ACCSL: variants seen among roughly 807,000 people sequenced by gnomAD.
The protein encoded by ACCSL is 1-aminocyclopropane-1-carboxylate synthase homolog (inactive) like.
Under a neutral mutation model 61.7 loss-of-function variants are expected in ACCSL, and 55 were observed. The observed-to-expected ratio is 0.89, with a 90% CI of 0.72 to 1.12. ACCSL has a LOEUF of 1.12. Among genes scored for constraint, ACCSL ranks in the 50% most tolerant of loss-of-function variants. ACCSL has a pLI of 0.00. For synonymous variants in ACCSL, 258 were observed against 264.3 expected, an observed-to-expected ratio of 0.98 and a Z score of 0.23; for missense variants, 632 against 698.0, an observed-to-expected ratio of 0.91 and a Z score of 1.07.
chr11:43,983,845 G>T, the ACCSL span, among the ~76,000 whole-genome samples: 1 of 152,162 alleles, frequency 6.6e-6, no homozygotes, highest in Admixed American at 6.6e-5. Context: ...GCCGGGCGCT[G>T]TGGCTCACAC....
chr11:44,029,322 G>A, the ACCSL span, among the ~76,000 whole-genome samples: 2 of 152,210 alleles, frequency 1.3e-5, no homozygotes, highest in Non-Finnish European at 2.9e-5. Context: ...AAGCCTCAGG[G>A]CCTTTGCCCT....
chr11:43,975,296 G>A, the ACCSL span, among the ~76,000 whole-genome samples: 62 of 152,252 alleles, frequency 4.1e-4, no homozygotes, highest in East Asian at 4.4e-3. Context: ...AAGCCTCTCC[G>A]GATGCAAACA....
At chr11:43,993,899 G>A in the ACCSL span, among the ~76,000 whole-genome samples, 1 of 152,174 alleles carries the variant, frequency 6.6e-6, no homozygotes, top group Non-Finnish European at 1.5e-5. Flanking sequence ...ACAGATTCTG[G>A]GACATGCAAG....
At position 44,058,323 on chromosome 11, in the gene ACCSL, T is replaced by C. The variant is rs568806875; in HGVS notation, c.1334T>C (p.Ile445Thr). The change falls in exon 12 of 14, where the codon ATT (isoleucine) becomes ACT (threonine). Residue 445 changes from isoleucine (I) to threonine (T), a missense_variant. Physicochemically the swap from Ile to Thr is moderately conservative, Grantham distance 89. Transcript: ENST00000378832. ...TTTTCCTCTACCCATCCAGAATGGATTGACAAAGTATACCTACCCACCAAT... is the reference window on the plus strand; with the variant it reads ...TTTTCCTCTACCCATCCAGAATGGACTGACAAAGTATACCTACCCACCAAT... Reference protein sequence around the residue: ...LCQLLQNTEWIDKVYLPTNCY... With the variant: ...LCQLLQNTEWTDKVYLPTNCY... 9.3e-6 allele frequency: 15 copies of C among 1,614,026 alleles called. No homozygotes were observed. The highest frequency in any genetic ancestry group is 1.3e-5 in the Non-Finnish European group (15 of 1,180,034).
chr11:43,943,412 C>T, the ACCSL span: 1 of 1,434,046 alleles, frequency 7.0e-7, no homozygotes, highest in Non-Finnish European at 9.2e-7. This position sits in a 1 kb window ranked among gnomAD's most constrained non-coding sequence, Gnocchi z 4.8. Context: ...CTCGGACTCC[C>T]GCCCCGCTGC....
chr11:43,963,176 AG>A, the ACCSL span, among the ~76,000 whole-genome samples: 1 of 152,228 alleles, frequency 6.6e-6, no homozygotes, highest in Non-Finnish European at 1.5e-5. Flanking sequence ...CCCATGGAGA[AG>A]GGTTGAGTGT....
At chr11:43,944,107 T>A in the ACCSL span, 1 of 340,366 alleles carries the variant, frequency 2.9e-6, no homozygotes, top group South Asian at 2.3e-5. Flanking sequence ...GCGTCCCTGG[T>A]CTATTCCCCA....
the ACCSL span, among the ~76,000 whole-genome samples, chr11:43,956,790 G>A: frequency 6.6e-6 from 1 of 152,154 alleles, no homozygotes. Flanking sequence ...AATCAATTGA[G>A]GTTTATTGAG....
the ACCSL span, chr11:43,926,682 T>TA: frequency 3.2e-6 from 1 of 313,626 alleles, no homozygotes; most frequent in Non-Finnish European, 6.3e-6. Context: ...TGCAAGAAAT[T>TA]AAAAAGAAAG....
the ACCSL span, among the ~76,000 whole-genome samples, chr11:44,028,791 C>T: frequency 6.6e-6 from 1 of 152,210 alleles, no homozygotes; most frequent in African/African-American, 2.4e-5. Context: ...AATGACTTCT[C>T]CACATATGTC....
At chr11:44,029,197 A>T in the ACCSL span, among the ~76,000 whole-genome samples, 5 of 152,350 alleles carry the variant, frequency 3.3e-5, no homozygotes, top group South Asian at 1.0e-3. Flanking sequence ...TGGCCTCTCT[A>T]GGAGAAAGCC....
At chr11:43,937,913 T>C in the ACCSL span, among the ~76,000 whole-genome samples, 1 of 152,220 alleles carries the variant, frequency 6.6e-6, no homozygotes, top group Non-Finnish European at 1.5e-5. Context: ...GGACTAATGA[T>C]GGTGCTGCTA....
At chr11:43,985,732 G>A in the ACCSL span, among the ~76,000 whole-genome samples, 6 of 152,100 alleles carry the variant, frequency 3.9e-5, no homozygotes, top group African/African-American at 7.2e-5. Flanking sequence ...ATATCCAACC[G>A]CCTTCTTAAC....
the ACCSL span, among the ~76,000 whole-genome samples, chr11:43,928,318 G>A: frequency 3.9e-5 from 6 of 152,078 alleles, no homozygotes; most frequent in African/African-American, 9.7e-5. Context: ...AAAAGATGTC[G>A]GATTTTCTAG....
At chr11:44,037,950 C>T in the ACCSL span, among the ~76,000 whole-genome samples, 4 of 152,138 alleles carry the variant, frequency 2.6e-5, no homozygotes, top group African/African-American at 9.7e-5. Context: ...TTATTGAGCT[C>T]TTCCATGGGC....
the ACCSL span, among the ~76,000 whole-genome samples, chr11:43,957,429 T>C: frequency 2.0e-5 from 3 of 152,186 alleles, no homozygotes; most frequent in South Asian, 4.2e-4. Flanking sequence ...ATGCTTAAGA[T>C]AGGGGTTGTG....
At chr11:44,053,151 C>T in intron 7 of ACCSL, 83 bp downstream of exon 7, 1 of 1,265,192 alleles carries the variant, frequency 7.9e-7, no homozygotes, top group Non-Finnish European at 1.1e-6. Context: ...ACTGCTTATT[C>T]ACCAAGACCT....
At chr11:43,926,661 T>G in the ACCSL span, 1 of 310,626 alleles carries the variant, frequency 3.2e-6, no homozygotes, top group Admixed American at 4.5e-5. Flanking sequence ...ACAAAAGAGG[T>G]TTGTGTTCTT....
upstream of ACCSL, among the ~76,000 whole-genome samples, chr11:44,047,445 A>G (rs1344022036): frequency 6.6e-6 from 1 of 152,234 alleles, no homozygotes; most frequent in African/African-American, 2.4e-5. Context: ...CGTGGACCAC[A>G]TGGTCTCTGT....
Sources: allele counts gnomAD v4.1 joint callset (sites outside exome capture counted in the v4.1 genomes callset), GRCh38; gene constraint gnomAD v4.1.1; non-coding constraint Gnocchi (gnomAD v3.1); transcripts MANE v1.5; gene names NCBI Gene and HGNC (gene_info 2026-07-23, HGNC 2026-07-21).